DENND5A: variants seen among roughly 807,000 people sequenced by gnomAD.
The protein encoded by DENND5A is DENN domain-containing protein 5A.
A neutral mutation model predicts 140.3 loss-of-function variants in DENND5A; 64 were observed. The observed-to-expected ratio is 0.46, with a 90% confidence interval of 0.37 to 0.56. The LOEUF (loss-of-function observed/expected upper bound fraction) is 0.56, where lower values mean the gene tolerates loss of function less well. Ranked by LOEUF, DENND5A falls within the 20% of genes least tolerant of loss-of-function variation. The pLI is 0.00. For synonymous variants in DENND5A, 605 were observed against 607.7 expected, an observed-to-expected ratio of 1.00 and a Z score of 0.07; for missense variants, 1,292 against 1,593.8, an observed-to-expected ratio of 0.81 and a Z score of 3.22.
At chr11:9,149,144 G>A (rs1847528762) in intron 15 of DENND5A, among the ~76,000 whole-genome samples, 1 of 152,126 alleles carries the variant, frequency 6.6e-6, no homozygotes, top group Non-Finnish European at 1.5e-5. Flanking sequence ...TTGGAATTTA[G>A]AATTCAGTGG....
chr11:9,171,697 C>CA (rs56204637), intron 8 of DENND5A: 27,916 of 120,724 alleles, frequency 0.23, 2,983 homozygotes, highest in Middle Eastern at 0.28. Flanking sequence ...CTCATCTCTT[C>CA]AAAAAAAAAA....
At chr11:9,144,627 T>TA (rs536956634) in intron 18 of DENND5A, among the ~76,000 whole-genome samples, 4 of 151,860 alleles carry the variant, frequency 2.6e-5, no homozygotes, top group African/African-American at 9.7e-5. Flanking sequence ...CTGTCTCTAC[T>TA]AAAAACACAA....
chr11:9,142,512 C>T (rs531158464), intron 21 of DENND5A, among the ~76,000 whole-genome samples: 7 of 152,280 alleles, frequency 4.6e-5, no homozygotes, highest in Non-Finnish European at 1.0e-4. Context: ...AGAATCTTTT[C>T]TGTGCAATTC....
At chr11:9,247,185 G>A (rs777113703) in intron 1 of DENND5A, among the ~76,000 whole-genome samples, 8 of 150,816 alleles carry the variant, frequency 5.3e-5, no homozygotes, top group African/African-American at 1.5e-4. Flanking sequence ...AGCCGAGATC[G>A]TGCCACTGCA....
chr11:9,170,983 A>C, intron 8 of DENND5A: 1 of 830,540 alleles, frequency 1.2e-6, no homozygotes, highest in South Asian at 1.9e-5. Flanking sequence ...GACATCAGGC[A>C]ATGAAGGGCA....
At chr11:9,201,620 T>C (rs755700614) in intron 4 of DENND5A, among the ~76,000 whole-genome samples, 4 of 152,050 alleles carry the variant, frequency 2.6e-5, no homozygotes, top group Non-Finnish European at 4.4e-5. Context: ...CAGTGAGCCA[T>C]GAAGGCACCA....
intron 8 of DENND5A, chr11:9,171,365 G>C (rs559909283): frequency 6.5e-6 from 1 of 152,676 alleles, no homozygotes; most frequent in Admixed American, 6.5e-5. Context: ...GGGGCACTGA[G>C]TAAAGTACTC....
intron 1 of DENND5A, among the ~76,000 whole-genome samples, chr11:9,215,747 G>A (rs1850066307): frequency 1.3e-5 from 2 of 151,700 alleles, no homozygotes; most frequent in South Asian, 2.1e-4. Context: ...ATAGGGTTTC[G>A]CCGTGTTGGC....
In DENND5A at chr11:9,139,578, A is replaced by ACTC. The variant is rs1847166610; in HGVS notation, c.*90_*92dup. 12 of 1,160,760 alleles carry ACTC rather than the reference A, an allele frequency of 1.0e-5. No homozygotes were observed. In the East Asian group the frequency reaches 3.1e-4, roughly 30 times the overall value. 71.9% of individuals were successfully genotyped at this position (1,160,760 alleles called of 1,614,324 possible). A position where few individuals can be genotyped will look rare whatever the true frequency, so the allele number is the denominator to read the frequency against. On this transcript the variant is annotated 3_prime_UTR_variant, in exon 23 of 23. Transcript: ENST00000328194. ...ACAGTGAGTGTACATTTTGTCTCCTACTCCTGCACAATCGCTTAAGTCCCT... is the reference window on the plus strand; with the variant it reads ...ACAGTGAGTGTACATTTTGTCTCCTACTCCTCCTGCACAATCGCTTAAGTCCCT...
intron 4 of DENND5A, 132 bp from the exon 5 acceptor site, chr11:9,193,813 G>A: frequency 2.5e-6 from 2 of 790,646 alleles, no homozygotes; most frequent in African/African-American, 1.8e-5. Flanking sequence ...TTCAGCTAGG[G>A]TATGCTCAAT....
chr11:9,235,520 C>T (rs773848253), intron 1 of DENND5A, among the ~76,000 whole-genome samples: 8 of 151,128 alleles, frequency 5.3e-5, no homozygotes, highest in Middle Eastern at 3.4e-3. Flanking sequence ...TAGCTGGGCA[C>T]GATGGCGGGC....
intron 1 of DENND5A, among the ~76,000 whole-genome samples, chr11:9,240,860 A>G (rs1159426119): frequency 6.6e-6 from 1 of 152,224 alleles, no homozygotes; most frequent in Non-Finnish European, 1.5e-5. Context: ...ACAGGATCAC[A>G]AAACCTCAAG....
chr11:9,225,972 T>C (rs1345592387), intron 1 of DENND5A, among the ~76,000 whole-genome samples: 2 of 151,874 alleles, frequency 1.3e-5, no homozygotes, highest in Non-Finnish European at 2.9e-5. Context: ...CCCAGCTACC[T>C]GGAAGGCTGA....
At chr11:9,245,010 T>C (rs193155801) in intron 1 of DENND5A, among the ~76,000 whole-genome samples, 1,565 of 146,882 alleles carry the variant, frequency 0.011, 12 homozygotes, top group Non-Finnish European at 0.017. Flanking sequence ...TCAGGCCGGG[T>C]GCGGTGGCTC....
chr11:9,162,153 A>C (rs1180127938), intron 11 of DENND5A, among the ~76,000 whole-genome samples: 1 of 149,668 alleles, frequency 6.7e-6, no homozygotes, highest in Non-Finnish European at 1.5e-5. Flanking sequence ...TTCCACTGTT[A>C]GTTTTTAACC....
intron 4 of DENND5A, among the ~76,000 whole-genome samples, chr11:9,201,894 A>AG (rs905845207): frequency 3.0e-4 from 45 of 152,340 alleles, no homozygotes; most frequent in African/African-American, 1.1e-3. Context: ...TTAATTACCA[A>AG]GGGAAAAATT....
rs577160671 is a variant in DENND5A at position 9,167,359 on chromosome 11, C to T, written c.2152-1392G>A. On this transcript the variant is annotated intron_variant, in intron 10 of 22. Transcript: ENST00000328194. ...AACTTGTTAGCTATCTCCATACCAC[C>T]CTCCTCCAAAATATTCTGCCCACAG... 4.6e-5 allele frequency among the ~76,000 whole-genome samples: 7 copies of T among 151,766 alleles called. No individual in the cohort carries two copies. The South Asian group carries it at 1.5e-3, about 32-fold the overall frequency.
At chr11:9,209,705 G>A (rs1039970534) in intron 1 of DENND5A, among the ~76,000 whole-genome samples, 3 of 152,156 alleles carry the variant, frequency 2.0e-5, no homozygotes, top group Non-Finnish European at 4.4e-5. Flanking sequence ...CATTTCAGCC[G>A]CTCTACAAAG....
chr11:9,241,675 G>A (rs967696761), intron 1 of DENND5A, among the ~76,000 whole-genome samples: 1 of 152,110 alleles, frequency 6.6e-6, no homozygotes, highest in East Asian at 1.9e-4. Context: ...GAATTCTCCT[G>A]AAATTGTCAT....
Sources: gnomAD v4.1 joint callset for allele counts (sites outside exome capture counted in the v4.1 genomes callset) on GRCh38, gnomAD v4.1.1 for gene constraint, MANE v1.5 for transcripts, NCBI Gene and HGNC (gene_info 2026-07-23, HGNC 2026-07-21) for gene names.